Variants in TRO observed in about 807,000 individuals in gnomAD.
TRO encodes trophinin.
TRO carries 29 observed loss-of-function variants against 42.3 expected under a neutral mutation model. That is an observed-to-expected ratio of 0.68 (90% confidence interval 0.51 to 0.93). The LOEUF (loss-of-function observed/expected upper bound fraction) is 0.93. TRO is among the 40% of genes least tolerant of loss of function. The probability of loss-of-function intolerance (pLI) is 0.00; values close to 1 mark genes in which losing one functional copy is unlikely to be tolerated. For missense variants in TRO, 963 were observed against 1,127.7 expected, an observed-to-expected ratio of 0.85 and a Z score of 2.09; for synonymous variants, 384 against 425.2, an observed-to-expected ratio of 0.90 and a Z score of 1.19.
In TRO at chrX:54,923,512, C is replaced by G; in HGVS notation, c.980C>G (p.Thr327Arg). The G allele has an allele frequency of 8.4e-7, 1 of 1,186,639 alleles. No homozygotes were observed. Among genetic ancestry groups the G allele is most frequent in the Non-Finnish European group, 1.1e-6 (1 of 881,908 alleles). The change falls in exon 3 of 13, where the codon ACA (threonine) becomes AGA (arginine). Residue 327 changes from threonine (T) to arginine (R), a missense_variant. Physicochemically the swap from Thr to Arg is moderately conservative, Grantham distance 71. This residue lies in a region of TRO where 322 missense variants were observed against 316.5 expected (regional missense o/e 1.02). Coordinates refer to ENST00000173898, the MANE Select transcript of TRO (RefSeq NM_001039705.3). ...GCCCCACTTGCCACTCAGATAGTCA[C>G]AAACCAAGCCCTGGCAGCCACCCTG... ...SEAPLATQIV[T>R]NQALAATLRV...
chrX:54,921,951 T>TG (rs1161849513), intron 1 of TRO: 6 of 177,446 alleles, frequency 3.4e-5, no homozygotes, highest in Non-Finnish European at 5.5e-5. Flanking sequence ...AGATGGGGGG[T>TG]GGGGGCGCCT....
At position 54,929,707 on chromosome X, in the gene TRO, A is replaced by G. The variant is rs763386240; in HGVS notation, c.2983A>G (p.Thr995Ala). The change falls in exon 12 of 13, where the codon ACC (threonine) becomes GCC (alanine). Residue 995 changes from threonine (T) to alanine (A), a missense_variant. Transcript: ENST00000173898. ...TSTGFGGAMS[T>A]SADFGGTLST... ...TACTGGTTTTGGTGGTGCTATGAGC[A>G]CCAGTGCTGACTTTGGCGGTACACT... 1.4e-5 allele frequency: 17 copies of G among 1,208,638 alleles called. No homozygotes were observed. The highest frequency in any genetic ancestry group is 1.9e-5 in the Non-Finnish European group (17 of 894,825).
chrX:54,924,528 G>A lies in TRO; in HGVS notation c.1314G>A (p.Pro438=), dbSNP rs373368830. Residue 438 remains proline (P), a synonymous_variant, in exon 4 of 13, where the codon CCG becomes CCA. Coordinates refer to ENST00000173898, the MANE Select transcript of TRO (RefSeq NM_001039705.3). ...CATGGGGCCGGAGGCCTGCACCACC[G>A]CGAGATGTGGCCATTTTACAAGAAA... is the stretch of plus-strand genomic sequence containing the variant. ...RIPWGRRPAP[P]RDVAILQERA... 29 of 1,207,251 alleles carry A rather than the reference G, an allele frequency of 2.4e-5. No individual in the cohort carries two copies. Among genetic ancestry groups the A allele is most frequent in the South Asian group, 5.4e-5 (3 of 55,906 alleles).
At chrX:54,924,030 G>A (rs1398952703) in intron 3 of TRO, 4 of 384,959 alleles carry the variant, frequency 1.0e-5, no homozygotes, top group African/African-American at 2.5e-5. Flanking sequence ...CACGTGCCAG[G>A]CTTTGTGTTG....
rs1446377384 is a variant in TRO at position 54,929,107 on chromosome X, T to G, written c.2383T>G (p.Phe795Val). The G allele has an allele frequency of 8.3e-7, 1 of 1,211,254 alleles. No homozygotes were observed. The highest frequency in any genetic ancestry group is 1.7e-5 in the African/African-American group (1 of 57,544). Residue 795 changes from phenylalanine to valine, a missense_variant, in exon 12 of 13, where the codon TTT becomes GTT. Transcript: ENST00000173898. ...CTTCAGCAGCGCAGCCAGCATTAGC[T>G]TTGGTTGTGCACACAGCACCAGCAC... is the stretch of plus-strand genomic sequence containing the variant. ...SSFSSAASISFGCAHSTSTSF... is the reference protein window; with the variant it reads ...SSFSSAASISVGCAHSTSTSF...
At position 54,930,415 on chromosome X, in the gene TRO, G is replaced by A. The variant is rs771319778; in HGVS notation, c.3691G>A (p.Gly1231Ser). 43 of 1,209,816 alleles carry A rather than the reference G, an allele frequency of 3.6e-5. No homozygotes were observed. The East Asian group carries it at 1.2e-3, about 33-fold the overall frequency. ...CCTAGGCACCAGTGCTGGCTTCAGT[G>A]GTGGCCTAAGCACAAGTTCTGGCTT... ...GGLGTSAGFS[G>S]GLSTSSGFDG... The change falls in exon 12 of 13, where the codon GGT becomes AGT. Residue 1231 changes from glycine (G) to serine (S), a missense_variant. Coordinates refer to ENST00000173898, the MANE Select transcript of TRO (RefSeq NM_001039705.3).
At position 54,923,051 on chromosome X, in the gene TRO, A is replaced by G. The variant is rs764344835; in HGVS notation, c.519A>G (p.Leu173=). The part of the protein sequence containing the change: ...TIQLKSPLQV[L]KLPVISQNIH... ...AGCTGAAGTCACCCTTGCAGGTCCT[A>G]AAGCTACCAGTCATCTCACAGAATA... The change falls in exon 3 of 13, where the codon CTA becomes CTG. Residue 173 remains leucine (L), a synonymous_variant. Coordinates refer to ENST00000173898, the MANE Select transcript of TRO (RefSeq NM_001039705.3). 5.0e-6 allele frequency: 6 copies of G among 1,210,459 alleles called. No homozygotes were observed. In the South Asian group the frequency reaches 8.8e-5, roughly 18 times the overall value.
Position 54,925,790 on chromosome X carries a change from A to C in TRO, c.1577+107A>C, listed in dbSNP as rs1365995963. ...ATCCTCTTAGAGAGTCAGGAAAAAC[A>C]GGGTCTCAAAAGCCCTGTCTCAGCA... On this transcript the variant is annotated intron_variant, in intron 7 of 12. Transcript: ENST00000173898. 1.5e-5 allele frequency: 10 copies of C among 673,785 alleles called. No individual in the cohort carries two copies. The Admixed American group carries it at 3.4e-4, about 23-fold the overall frequency. 55.5% of individuals were successfully genotyped at this position (673,785 alleles called of 1,213,427 possible). A position where few individuals can be genotyped will look rare whatever the true frequency, so the allele number is the denominator to read the frequency against.
intron 9 of TRO, 58 bp downstream of exon 9, chrX:54,926,683 G>C (rs1413174734): frequency 8.3e-7 from 1 of 1,207,426 alleles, no homozygotes; most frequent in Non-Finnish European, 1.1e-6. Flanking sequence ...AAGAGAGGAT[G>C]GTCCTAGGAT....
Position 54,931,187 on chromosome X carries a change from A to ATT in TRO, c.*12-15_*12-14dup. ...GTATTTGGTGCTAAAATGTGTTCCT[A>ATT]TTTGTTTTGTTTTCAGATTTATTCC... On this transcript the variant is annotated splice_polypyrimidine_tract_variant and intron_variant, in intron 12 of 12. Transcript: ENST00000173898. 4.1e-6 allele frequency: 5 copies of ATT among 1,209,859 alleles called. No individual in the cohort carries two copies. The highest frequency in any genetic ancestry group is 5.6e-6 in the Non-Finnish European group (5 of 894,290).
In TRO at chrX:54,922,299, C is replaced by T. The variant is rs758703382; in HGVS notation, c.45+8C>T. On this transcript the variant is annotated splice_region_variant and intron_variant, in intron 2 of 12. Coordinates refer to ENST00000173898, the MANE Select transcript of TRO (RefSeq NM_001039705.3). ...AGGGTGCCTCTATTTCAGGTGAGGC[C>T]TCTCTGCATTCTCTCTAGGCCATCT... The T allele has an allele frequency of 1.7e-6, 2 of 1,204,750 alleles. No individual in the cohort carries two copies. Among genetic ancestry groups the T allele is most frequent in the Non-Finnish European group, 2.2e-6 (2 of 892,550 alleles).
intron 4 of TRO, 50 bp from the exon 5 acceptor site, chrX:54,924,620 A>C: frequency 8.3e-7 from 1 of 1,201,884 alleles, no homozygotes; most frequent in Non-Finnish European, 1.1e-6. Context: ...CCTCCTTCCA[A>C]GTTTTCTGCA....
At position 54,922,407 on chromosome X, in the gene TRO, C is replaced by T. The variant is rs1044450536; in HGVS notation, c.45+116C>T. On this transcript the variant is annotated intron_variant, in intron 2 of 12. Transcript: ENST00000173898. ...ATTCCCTGCCTAACTCGTCTCAGTCCTCCCTTACATGGTGAAGGAGAGGAG... is the reference window on the plus strand; with the variant it reads ...ATTCCCTGCCTAACTCGTCTCAGTCTTCCCTTACATGGTGAAGGAGAGGAG... 11 of 969,923 alleles carry T rather than the reference C, an allele frequency of 1.1e-5. No homozygotes were observed. In the African/African-American group the frequency reaches 1.2e-4, roughly 10 times the overall value. The allele number at this position is 969,923 out of a possible 1,213,427, so 79.9% of individuals were successfully genotyped here. A position where few individuals can be genotyped will look rare whatever the true frequency, so the allele number is the denominator to read the frequency against.
rs780350013 is a variant in TRO at position 54,930,114 on chromosome X, T to C, written c.3390T>C (p.Gly1130=). The change falls in exon 12 of 13, where the codon GGT becomes GGC. Residue 1130 remains glycine, a synonymous_variant. Coordinates refer to ENST00000173898, the MANE Select transcript of TRO (RefSeq NM_001039705.3). ...CTCCCAGCAACAGCATTGGCTTTGG[T>C]GCTGCTCCCAGCACCAGTGTCAGCT... ...GGTPSNSIGF[G]AAPSTSVSFG... The C allele has an allele frequency of 3.3e-6, 4 of 1,210,834 alleles. No individual in the cohort carries two copies. In the South Asian group the frequency reaches 7.0e-5, roughly 21 times the overall value.
intron 6 of TRO, 48 bp downstream of exon 6, chrX:54,925,116 C>A (rs1289207314): frequency 5.5e-6 from 6 of 1,093,683 alleles, no homozygotes; most frequent in Non-Finnish European, 7.5e-6. Flanking sequence ...AGCTTTGAAT[C>A]GAGCAAAGAC....
Position 54,922,953 on chromosome X carries a change from A to G in TRO, c.421A>G (p.Lys141Glu). ...SVTAQPKKAN[K>E]MKRVTAKAAQ... ...CACTGCTCAGCCTAAGAAAGCCAACAAGATGAAGAGAGTTACTGCCAAGGC... is the reference window on the plus strand; with the variant it reads ...CACTGCTCAGCCTAAGAAAGCCAACGAGATGAAGAGAGTTACTGCCAAGGC... The change falls in exon 3 of 13, where the codon AAG becomes GAG. Residue 141 changes from lysine (K) to glutamate (E), a missense_variant. Transcript: ENST00000173898. The G allele has an allele frequency of 2.5e-6, 3 of 1,212,098 alleles. No homozygotes were observed. Among genetic ancestry groups the G allele is most frequent in the Non-Finnish European group, 3.3e-6 (3 of 895,614 alleles).
chrX:54,924,945 G>A (rs1367412253), intron 5 of TRO, 44 bp from the exon 6 acceptor site: 3 of 1,161,175 alleles, frequency 2.6e-6, no homozygotes, highest in African/African-American at 1.8e-5. Flanking sequence ...GCAGCTCTGT[G>A]GCCCCTGCTA....
chrX:54,924,215 G>C (rs1312773265), intron 3 of TRO, among the ~76,000 whole-genome samples: 7 of 111,897 alleles, frequency 6.3e-5, no homozygotes, highest in Non-Finnish European at 1.3e-4. Context: ...AGACCCTTAG[G>C]CTCTTATCTT....
chrX:54,929,820 T>C lies in TRO; in HGVS notation c.3096T>C (p.Ala1032=), dbSNP rs768219103. 2 of 1,210,071 alleles carry C rather than the reference T, an allele frequency of 1.7e-6. No homozygotes were observed. The highest frequency in any genetic ancestry group is 3.5e-5 in the South Asian group (2 of 56,911). ...ALNTNAGYGG[A]VSTNTDFGGT... is the part of the protein sequence containing the mutation. ...ACACCAATGCTGGTTATGGTGGTGC[T>C]GTCAGCACCAACACTGACTTTGGTG... The change falls in exon 12 of 13, where the codon GCT becomes GCC. Residue 1032 remains alanine (A), a synonymous_variant. Coordinates refer to ENST00000173898, the MANE Select transcript of TRO (RefSeq NM_001039705.3).
Sources: gnomAD v4.1 joint callset for allele counts (sites outside exome capture counted in the v4.1 genomes callset) on GRCh38, gnomAD v4.1.1 for gene constraint, gnomAD v4.1.1 regional missense constraint, MANE v1.5 for transcripts, NCBI Gene and HGNC (gene_info 2026-07-23, HGNC 2026-07-21) for gene names.